The following CLIC5 variants were observed in gnomAD, a reference collection of about 807,000 sequenced individuals.
CLIC5 encodes CLIC family member 5.
Under a neutral mutation model 24.7 loss-of-function variants are expected in CLIC5, and 20 were observed. The observed-to-expected ratio is 0.81, with a 90% CI of 0.57 to 1.18. The LOEUF (loss-of-function observed/expected upper bound fraction) is 1.18. Ranked by LOEUF, CLIC5 falls within the 50% of genes most tolerant of loss-of-function variation. The pLI, the probability that CLIC5 is intolerant of heterozygous loss-of-function variation, is 0.00. For missense variants in CLIC5, 341 were observed against 326.1 expected (o/e 1.05, Z -0.35); for synonymous variants, 159 against 135.6 (o/e 1.17, Z -1.20).
Position 46,030,556 on chromosome 6 carries a change from A to AAAACCCTTTAG in CLIC5, c.540+49146_540+49147insCTAAAGGGTTT, listed in dbSNP as rs1238866544. ...GCTCAAAACCCTTTAGTGGCTCGGC[A>AAAACCCTTTAG]TGGACTGCACTCCCCAGAATGATGT... is the stretch of plus-strand genomic sequence containing the variant. On this transcript the variant is annotated intron_variant, in intron 1 of 5. Coordinates refer to the CLIC5 transcript ENST00000185206. Among the ~76,000 whole-genome samples, 73 of 152,246 alleles carry AAAACCCTTTAG rather than the reference A, an allele frequency of 4.8e-4. 2 individuals carry two copies. In the East Asian group the frequency reaches 0.014, roughly 29 times the overall value.
chr6:45,889,405 T>A (rs1454217461), intron 6 of CLIC5, among the ~76,000 whole-genome samples: 1 of 152,192 alleles, frequency 6.6e-6, no homozygotes, highest in Non-Finnish European at 1.5e-5. Context: ...GGATTAGGTT[T>A]CAGCATATAA....
At chr6:46,112,071 A>G in the CLIC5 span, among the ~76,000 whole-genome samples, 1 of 152,220 alleles carries the variant, frequency 6.6e-6, no homozygotes, top group Non-Finnish European at 1.5e-5. Context: ...AGACGAATAC[A>G]TAAGGACTGA....
intron 6 of CLIC5, among the ~76,000 whole-genome samples, chr6:45,888,383 C>G (rs986581195): frequency 1.2e-4 from 18 of 152,060 alleles, no homozygotes; most frequent in African/African-American, 4.4e-4. Flanking sequence ...TTCTAGTGTT[C>G]CTAGAGTTTC....
chr6:46,092,674 C>T, the CLIC5 span, among the ~76,000 whole-genome samples: 65 of 152,170 alleles, frequency 4.3e-4, no homozygotes, highest in Admixed American at 8.5e-4. Flanking sequence ...TATTTATACA[C>T]GTGAAATTAT....
chr6:45,960,101 A>G (rs1764796984), intron 1 of CLIC5, among the ~76,000 whole-genome samples: 1 of 152,064 alleles, frequency 6.6e-6, no homozygotes, highest in Non-Finnish European at 1.5e-5. Context: ...CCTCTTAGCG[A>G]CCCCAGAAGT....
At chr6:45,975,057 G>A (rs1429527262) in intron 1 of CLIC5, among the ~76,000 whole-genome samples, 1 of 152,166 alleles carries the variant, frequency 6.6e-6, no homozygotes, top group Non-Finnish European at 1.5e-5. Flanking sequence ...CAGTCATCTT[G>A]TATTTTTAAA....
At chr6:46,018,803 G>A (rs1767091271), upstream of CLIC5, 1 of 152,176 alleles carries the variant, frequency 6.6e-6, no homozygotes, top group Admixed American at 6.5e-5. Flanking sequence ...GATTGGCATG[G>A]CTCCAATGAA....
intron 1 of CLIC5, among the ~76,000 whole-genome samples, chr6:46,030,627 GA>G (rs1331310067): frequency 3.9e-5 from 6 of 152,112 alleles, no homozygotes; most frequent in Non-Finnish European, 7.4e-5. Context: ...CAGTCCACCT[GA>G]CCTCCTGTGC....
At chr6:46,017,361 G>C (rs1328841056), upstream of CLIC5, among the ~76,000 whole-genome samples, 1 of 152,168 alleles carries the variant, frequency 6.6e-6, no homozygotes, top group Non-Finnish European at 1.5e-5. Flanking sequence ...AGGCAAAAAT[G>C]TTGAGCACTT....
intron 1 of CLIC5, among the ~76,000 whole-genome samples, chr6:46,076,140 AGAGT>A (rs1762761404): frequency 6.6e-6 from 1 of 152,204 alleles, no homozygotes; most frequent in South Asian, 2.1e-4. Flanking sequence ...GCTGTCACTC[AGAGT>A]GAGTGAGGTT....
chr6:45,958,555 G>A (rs1764743928), intron 1 of CLIC5, among the ~76,000 whole-genome samples: 1 of 147,840 alleles, frequency 6.8e-6, no homozygotes, highest in South Asian at 2.2e-4. Context: ...AGTACTTCCT[G>A]TTCCCTAGAT....
chr6:46,044,926 G>T (rs374053604), intron 1 of CLIC5, among the ~76,000 whole-genome samples: 1 of 152,122 alleles, frequency 6.6e-6, no homozygotes, highest in African/African-American at 2.4e-5. Context: ...GGTTATGGGA[G>T]ATTCATCTCC....
chr6:46,045,052 G>A (rs569692565), intron 1 of CLIC5, among the ~76,000 whole-genome samples: 3 of 152,146 alleles, frequency 2.0e-5, no homozygotes, highest in South Asian at 4.2e-4. Context: ...TGAGTGGGCC[G>A]TAGTCCCCCA....
At chr6:45,963,163 C>T (rs1484310927) in intron 1 of CLIC5, among the ~76,000 whole-genome samples, 3 of 152,102 alleles carry the variant, frequency 2.0e-5, no homozygotes, top group Admixed American at 6.5e-5. Flanking sequence ...AATCTGTTTC[C>T]GGGTTAATCA....
chr6:45,897,826 G>A (rs900256446), downstream of CLIC5, among the ~76,000 whole-genome samples: 1 of 151,980 alleles, frequency 6.6e-6, no homozygotes, highest in African/African-American at 2.4e-5. Flanking sequence ...GATATTTTAA[G>A]GAATTCTTTA....
At chr6:45,952,339 G>A (rs1764500096) in intron 2 of CLIC5, among the ~76,000 whole-genome samples, 1 of 152,204 alleles carries the variant, frequency 6.6e-6, no homozygotes, top group Non-Finnish European at 1.5e-5. Context: ...ATTATGTAAT[G>A]AGGATCGGTC....
chr6:46,012,055 A>T (rs547052452), intron 1 of CLIC5, among the ~76,000 whole-genome samples: 4 of 152,360 alleles, frequency 2.6e-5, no homozygotes, highest in African/African-American at 9.6e-5. Context: ...CAGCAAATCT[A>T]CAATGACAGT....
intron 1 of CLIC5, among the ~76,000 whole-genome samples, chr6:45,978,039 C>T (rs994715827): frequency 2.0e-5 from 3 of 152,150 alleles, no homozygotes; most frequent in Non-Finnish European, 4.4e-5. Context: ...TCTGACTAGG[C>T]TTTGCCACTT....
intron 1 of CLIC5, among the ~76,000 whole-genome samples, chr6:45,955,626 C>T (rs781217724): frequency 3.9e-5 from 6 of 152,094 alleles, no homozygotes; most frequent in Non-Finnish European, 5.9e-5. Flanking sequence ...ACTGACCAGT[C>T]AGTTGTATTA....
Sources: allele counts gnomAD v4.1 joint callset (sites outside exome capture counted in the v4.1 genomes callset), GRCh38; gene constraint gnomAD v4.1.1; transcripts MANE v1.5; gene names NCBI Gene and HGNC (gene_info 2026-07-23, HGNC 2026-07-21).